Variants in SYNE1 observed in about 807,000 individuals in gnomAD.
SYNE1 encodes the protein spectrin repeat containing nuclear envelope protein 1.
Under a neutral mutation model 1,111.0 loss-of-function variants are expected in SYNE1, and 616 were observed. That is an observed-to-expected ratio of 0.55 (90% confidence interval 0.52 to 0.59). The LOEUF is 0.59. SYNE1 is among the 20% of genes least tolerant of loss of function. SYNE1 has a pLI of 0.00. For missense variants in SYNE1, 10,006 were observed against 10,417.0 expected (o/e 0.96, Z 1.72); for synonymous variants, 3,855 against 3,825.8 (o/e 1.01, Z -0.28).
At chr6:152,172,209 T>A (rs2153096688) in intron 130 of SYNE1, among the ~76,000 whole-genome samples, 1 of 152,256 alleles carries the variant, frequency 6.6e-6, no homozygotes, top group South Asian at 2.1e-4. Context: ...TGACGGCTAA[T>A]GGGTAACTGT....
chr6:152,535,258 A>T (rs1564701255), intron 4 of SYNE1, among the ~76,000 whole-genome samples: 1 of 152,250 alleles, frequency 6.6e-6, no homozygotes, highest in South Asian at 2.1e-4. Context: ...CAAATTTCTC[A>T]TTTTAAGCCA....
chr6:152,259,232 T>C (rs755761596), intron 101 of SYNE1, among the ~76,000 whole-genome samples: 1 of 152,196 alleles, frequency 6.6e-6, no homozygotes, highest in Non-Finnish European at 1.5e-5. Context: ...TTAACCTTTG[T>C]TTCCTTTGAA....
At chr6:152,489,993 G>A (rs189019815) in intron 11 of SYNE1, among the ~76,000 whole-genome samples, 12 of 152,118 alleles carry the variant, frequency 7.9e-5, no homozygotes, top group African/African-American at 1.9e-4. Flanking sequence ...CAACCTCAGC[G>A]CTAATATTCA....
intron 145 of SYNE1, among the ~76,000 whole-genome samples, chr6:152,130,129 C>G (rs1428379580): frequency 6.6e-6 from 1 of 151,866 alleles, no homozygotes; most frequent in South Asian, 2.1e-4. Flanking sequence ...TTGCCAAGTG[C>G]CCGGAAAGTG....
At chr6:152,420,050 G>C (rs2098230575) in intron 39 of SYNE1, among the ~76,000 whole-genome samples, 2 of 152,120 alleles carry the variant, frequency 1.3e-5, no homozygotes, top group African/African-American at 4.8e-5. Flanking sequence ...TGATGCCTTA[G>C]TATATGTTAT....
chr6:152,539,168 C>G (rs1466432836), intron 4 of SYNE1, among the ~76,000 whole-genome samples: 1 of 151,532 alleles, frequency 6.6e-6, no homozygotes, highest in Non-Finnish European at 1.5e-5. Context: ...ATTCATTTAA[C>G]CAATTATTGA....
Position 152,416,455 on chromosome 6 carries a change from A to G in SYNE1, c.5982T>C (p.Ile1994=). Residue 1994 remains isoleucine (I), a synonymous_variant, in exon 41 of 146, where the codon ATT becomes ATC. Coordinates refer to ENST00000367255, the MANE Select transcript of SYNE1 (RefSeq NM_182961.4). ...QDQKEELLKS[I]EDIEERTDKE... is the part of the protein sequence containing the mutation. ...TGTCAGTCCTTTCTTCAATGTCCTC[A>G]ATGCTTTTCAGAAGCTCCTCTTTCT... 6.2e-7 allele frequency: 1 copy of G among 1,614,082 alleles called. No individual in the cohort carries two copies. Among genetic ancestry groups the G allele is most frequent in the East Asian group, 2.2e-5 (1 of 44,876 alleles).
chr6:152,384,398 G>A (rs1563578159), intron 55 of SYNE1, among the ~76,000 whole-genome samples: 1 of 152,142 alleles, frequency 6.6e-6, no homozygotes, highest in African/African-American at 2.4e-5. Flanking sequence ...GGATAGATGG[G>A]TAGATGGATA....
At chr6:152,462,488 T>G (rs2098740179) in intron 20 of SYNE1, 2 of 590,932 alleles carry the variant, frequency 3.4e-6, no homozygotes, top group Non-Finnish European at 6.0e-6. Context: ...TTCCTAATAC[T>G]TTTTAACTTG....
chr6:152,495,750 G>A (rs990864330), intron 11 of SYNE1, among the ~76,000 whole-genome samples: 5 of 152,192 alleles, frequency 3.3e-5, no homozygotes, highest in South Asian at 2.1e-4. Context: ...TAGCCTGTGC[G>A]GTCTAACCCT....
At chr6:152,201,708 T>A in intron 127 of SYNE1, 116 bp downstream of exon 127, 1 of 1,495,284 alleles carries the variant, frequency 6.7e-7, no homozygotes, top group African/African-American at 1.4e-5. Flanking sequence ...TTATGTCATA[T>A]ACTAGGATCT....
intron 38 of SYNE1, among the ~76,000 whole-genome samples, chr6:152,425,918 A>C (rs536343552): frequency 1.3e-5 from 2 of 152,352 alleles, no homozygotes; most frequent in East Asian, 3.9e-4. Context: ...GTAGGCAAAG[A>C]GAATCAAAGA....
chr6:152,188,972 AAAAAAAAAAAAAATATATATAT>A (rs1226792865), intron 128 of SYNE1, among the ~76,000 whole-genome samples: 3 of 59,116 alleles, frequency 5.1e-5, no homozygotes, highest in Non-Finnish European at 9.2e-5. Context: ...AAAAAAAAAA[AAAAAAAAAAAAAATATATATAT>A]ATATATATAT....
intron 130 of SYNE1, among the ~76,000 whole-genome samples, chr6:152,170,843 T>C (rs1035856299): frequency 2.6e-5 from 4 of 152,220 alleles, no homozygotes; most frequent in Non-Finnish European, 5.9e-5. Flanking sequence ...TCTTGACTTG[T>C]AGCTCCCACA....
At chr6:152,461,350 A>G (rs1255406465) in intron 21 of SYNE1, among the ~76,000 whole-genome samples, 1 of 152,088 alleles carries the variant, frequency 6.6e-6, no homozygotes, top group Non-Finnish European at 1.5e-5. Flanking sequence ...CCGTTCCCCA[A>G]AAGTATCTAA....
At chr6:152,228,255 T>G (rs553023621) in intron 115 of SYNE1, among the ~76,000 whole-genome samples, 50 of 152,236 alleles carry the variant, frequency 3.3e-4, no homozygotes, top group Non-Finnish European at 5.9e-4. Flanking sequence ...ACTTTCATTC[T>G]GTCTTTTGTT....
intron 11 of SYNE1, among the ~76,000 whole-genome samples, 154 bp downstream of exon 11, chr6:152,498,588 A>T (rs1307474975): frequency 6.6e-6 from 1 of 152,158 alleles, no homozygotes; most frequent in Non-Finnish European, 1.5e-5. Flanking sequence ...TATGTATGTT[A>T]TTTGTTCTGT....
At chr6:152,468,988 G>A (rs1484172222) in intron 16 of SYNE1, among the ~76,000 whole-genome samples, 1 of 151,896 alleles carries the variant, frequency 6.6e-6, no homozygotes, top group Non-Finnish European at 1.5e-5. Context: ...ATATTTCCTG[G>A]GCTGGTCTCA....
intron 16 of SYNE1, among the ~76,000 whole-genome samples, chr6:152,467,484 C>T (rs1159893167): frequency 6.6e-6 from 1 of 151,994 alleles, no homozygotes; most frequent in Non-Finnish European, 1.5e-5. Context: ...AGAAAAGAAT[C>T]TGCATTTAGT....
Sources: gnomAD v4.1 joint callset for allele counts (sites outside exome capture counted in the v4.1 genomes callset) on GRCh38, gnomAD v4.1.1 for gene constraint, MANE v1.5 for transcripts, NCBI Gene and HGNC (gene_info 2026-07-23, HGNC 2026-07-21) for gene names.